SCAPER: variants seen among roughly 807,000 people sequenced by gnomAD.
SCAPER encodes S-phase cyclin A associated protein in the ER.
Under a neutral mutation model 182.2 loss-of-function variants are expected in SCAPER, and 98 were observed. The ratio of observed to expected loss-of-function variants is 0.54; its 90% CI spans 0.46 to 0.64. The LOEUF is 0.64. Among genes scored for constraint, SCAPER ranks in the 30% least tolerant of loss-of-function variants. The pLI, the probability that SCAPER is intolerant of heterozygous loss-of-function variation, is 0.00. For synonymous variants in SCAPER, 605 were observed against 564.6 expected (o/e 1.07, Z -1.01); for missense variants, 1,432 against 1,690.0 (o/e 0.85, Z 2.68).
intron 14 of SCAPER, among the ~76,000 whole-genome samples, chr15:76,763,395 T>A (rs2062917801): frequency 6.6e-6 from 1 of 152,126 alleles, no homozygotes; most frequent in African/African-American, 2.4e-5. Flanking sequence ...GAGTTGCCTT[T>A]CTCTTGCAGC....
chr15:76,564,239 G>C (rs1394275454), intron 23 of SCAPER, among the ~76,000 whole-genome samples: 1 of 152,152 alleles, frequency 6.6e-6, no homozygotes, highest in Non-Finnish European at 1.5e-5. Context: ...CTTGTTTGCA[G>C]ATGACACGAT....
In SCAPER at chr15:76,615,488, CACAG is replaced by C. The variant is rs748033917; in HGVS notation, c.2711+6272_2711+6275del. Among the ~76,000 whole-genome samples the C allele has an allele frequency of 2.0e-4, 18 of 91,376 alleles. No individual in the cohort carries two copies. In the South Asian group the frequency reaches 6.6e-3, roughly 34 times the overall value. 59.9% of individuals were successfully genotyped at this position (91,376 alleles called of 152,430 possible). A position where few individuals can be genotyped will look rare whatever the true frequency, so the allele number is the denominator to read the frequency against. On this transcript the variant is annotated intron_variant, in intron 22 of 31. Transcript: ENST00000563290. ...ATGTGTATATATACATACACACACA[CACAG>C]ACACACACACACACACACACACACA... is the stretch of plus-strand genomic sequence containing the variant.
At chr15:76,860,197 T>C (rs1427823019) in intron 3 of SCAPER, among the ~76,000 whole-genome samples, 3 of 152,184 alleles carry the variant, frequency 2.0e-5, no homozygotes, top group Non-Finnish European at 4.4e-5. Context: ...TATTTTGTGT[T>C]CAGAATAACC....
chr15:76,712,207 T>C (rs1482814087), intron 17 of SCAPER, among the ~76,000 whole-genome samples: 1 of 152,208 alleles, frequency 6.6e-6, no homozygotes, highest in Non-Finnish European at 1.5e-5. Flanking sequence ...CCTTTCCCCA[T>C]TGCTTCTTTT....
chr15:76,700,827 T>C (rs1402599937), intron 20 of SCAPER, among the ~76,000 whole-genome samples: 1 of 152,168 alleles, frequency 6.6e-6, no homozygotes, highest in Non-Finnish European at 1.5e-5. Context: ...AGCTTAAGCA[T>C]GAATGTATGA....
chr15:76,639,407 C>T (rs548330770), intron 21 of SCAPER, among the ~76,000 whole-genome samples: 144 of 152,292 alleles, frequency 9.5e-4, no homozygotes, highest in Non-Finnish European at 1.8e-3. Flanking sequence ...AGTGGAAAGG[C>T]GCAGGGATTG....
At chr15:76,574,051 A>C (rs777563075) in intron 23 of SCAPER, 107 bp downstream of exon 23, 67 of 1,086,516 alleles carry the variant, frequency 6.2e-5, no homozygotes, top group South Asian at 1.1e-4. Flanking sequence ...GCTTTAAAAA[A>C]CACAGAAGAA....
intron 17 of SCAPER, among the ~76,000 whole-genome samples, chr15:76,718,585 G>C (rs1196829123): frequency 1.3e-5 from 2 of 151,216 alleles, no homozygotes; most frequent in Non-Finnish European, 2.9e-5. Context: ...AGGCTGCAGT[G>C]AGCCAAAATC....
chr15:76,518,302 CT>C (rs2042588163), intron 23 of SCAPER, among the ~76,000 whole-genome samples: 1 of 152,226 alleles, frequency 6.6e-6, no homozygotes, highest in Admixed American at 6.5e-5. Flanking sequence ...CTGCTTCCAA[CT>C]TCAGCAGAGA....
chr15:76,608,533 C>G (rs1160430964), intron 22 of SCAPER, among the ~76,000 whole-genome samples: 1 of 152,184 alleles, frequency 6.6e-6, no homozygotes. Flanking sequence ...AACCACTACT[C>G]TCTTTAAAGC....
At chr15:76,729,598 T>C (rs1031052111) in intron 16 of SCAPER, among the ~76,000 whole-genome samples, 5 of 152,130 alleles carry the variant, frequency 3.3e-5, no homozygotes, top group African/African-American at 1.2e-4. Context: ...TCAGATTCCC[T>C]GGTTTTGTTT....
intron 10 of SCAPER, among the ~76,000 whole-genome samples, chr15:76,770,405 A>C (rs1349341133): frequency 6.6e-6 from 1 of 152,138 alleles, no homozygotes; most frequent in Admixed American, 6.6e-5. Flanking sequence ...CACTACAGGA[A>C]TTCTCTGTAA....
At chr15:76,832,940 A>C (rs2068628181) in intron 5 of SCAPER, among the ~76,000 whole-genome samples, 1 of 152,156 alleles carries the variant, frequency 6.6e-6, no homozygotes, top group Non-Finnish European at 1.5e-5. Context: ...GTATTTTTTC[A>C]TAGCAGTGTA....
intron 23 of SCAPER, among the ~76,000 whole-genome samples, chr15:76,561,097 T>C (rs2046584262): frequency 6.6e-6 from 1 of 152,160 alleles, no homozygotes; most frequent in African/African-American, 2.4e-5. Context: ...ATTTACTCAC[T>C]GCGTGAGGCA....
chr15:76,585,531 G>T (rs1468028067), intron 22 of SCAPER, among the ~76,000 whole-genome samples: 1 of 152,088 alleles, frequency 6.6e-6, no homozygotes, highest in Non-Finnish European at 1.5e-5. Context: ...CATAGCAACA[G>T]ATATATATGA....
rs570142421 is a variant in SCAPER at position 76,802,425 on chromosome 15, G to C, written c.495-2061C>G. 2.0e-5 allele frequency among the ~76,000 whole-genome samples: 3 copies of C among 152,254 alleles called. No homozygotes were observed. In the East Asian group the frequency reaches 5.8e-4, roughly 29 times the overall value. On this transcript the variant is annotated intron_variant, in intron 6 of 31. Coordinates refer to ENST00000563290, the MANE Select transcript of SCAPER (RefSeq NM_020843.4). ...CTTAGCTTGGTTCAACCCAGTGAAAGAATGAAACCCCAGATCCAATCACCT... is the reference window on the plus strand; with the variant it reads ...CTTAGCTTGGTTCAACCCAGTGAAACAATGAAACCCCAGATCCAATCACCT...
chr15:76,732,829 A>G (rs572836898), intron 16 of SCAPER, among the ~76,000 whole-genome samples: 1 of 152,282 alleles, frequency 6.6e-6, no homozygotes, highest in East Asian at 1.9e-4. Context: ...GAAAGTACTA[A>G]AAGTCTCTGA....
At chr15:76,868,348 G>A (rs111842763) in intron 2 of SCAPER, among the ~76,000 whole-genome samples, 9 of 151,992 alleles carry the variant, frequency 5.9e-5, no homozygotes, top group African/African-American at 2.2e-4. Flanking sequence ...AGCTATGATC[G>A]CATCATTGCA....
intron 23 of SCAPER, among the ~76,000 whole-genome samples, chr15:76,570,386 T>C (rs886833699): frequency 6.6e-6 from 1 of 152,170 alleles, no homozygotes; most frequent in Non-Finnish European, 1.5e-5. Flanking sequence ...TGTCCACTTC[T>C]TTTTGATCAT....
Sources: gnomAD v4.1 joint callset for allele counts (sites outside exome capture counted in the v4.1 genomes callset) on GRCh38, gnomAD v4.1.1 for gene constraint, MANE v1.5 for transcripts, NCBI Gene and HGNC (gene_info 2026-07-23, HGNC 2026-07-21) for gene names.